Variants in OCA2 observed in about 807,000 individuals in gnomAD.
The protein encoded by OCA2 is P protein.
A neutral mutation model predicts 100.2 loss-of-function variants in OCA2; 77 were observed. The observed-to-expected ratio is 0.77, with a 90% confidence interval of 0.64 to 0.93. OCA2 has a LOEUF of 0.93. Ranked by LOEUF, OCA2 falls within the 40% of genes least tolerant of loss-of-function variation. The pLI is 0.00. For missense variants in OCA2, 1,062 were observed against 1,089.1 expected (o/e 0.98, Z 0.35); for synonymous variants, 432 against 439.2 (o/e 0.98, Z 0.21).
In OCA2 at chr15:27,823,152, G is replaced by A. The variant is rs895388300; in HGVS notation, c.2432+21807C>T. 5.9e-5 allele frequency among the ~76,000 whole-genome samples: 9 copies of A among 152,288 alleles called. No homozygotes were observed. In the South Asian group the frequency reaches 6.2e-4, roughly 11 times the overall value. On this transcript the variant is annotated intron_variant, in intron 23 of 23. Transcript: ENST00000354638. ...TGTAGTGTTACCTCTGTCATAAATC[G>A]GAGAGCCTTATACGTTTGAGCCTGT... is the stretch of plus-strand genomic sequence containing the variant.
intron 19 of OCA2, among the ~76,000 whole-genome samples, chr15:27,881,135 T>C (rs559643070): frequency 6.6e-6 from 1 of 152,332 alleles, no homozygotes; most frequent in East Asian, 1.9e-4. Flanking sequence ...TTTTTATCTT[T>C]AGTTCTATTT....
At chr15:27,817,986 T>C (rs568620549) in intron 23 of OCA2, among the ~76,000 whole-genome samples, 16 of 152,292 alleles carry the variant, frequency 1.1e-4, no homozygotes, top group Non-Finnish European at 1.0e-4. Flanking sequence ...CCCTAAGAAA[T>C]GTACTTCTTA....
chr15:27,955,644 A>G (rs1595713694), intron 16 of OCA2, among the ~76,000 whole-genome samples: 1 of 152,328 alleles, frequency 6.6e-6, no homozygotes, highest in East Asian at 1.9e-4. Context: ...AAACGTGGTA[A>G]AAGAAATGTC....
At chr15:28,083,827 A>G (rs2044724345) in intron 1 of OCA2, among the ~76,000 whole-genome samples, 1 of 152,202 alleles carries the variant, frequency 6.6e-6, no homozygotes, top group South Asian at 2.1e-4. Context: ...GGCCTCACAA[A>G]TTATGTAACT....
At chr15:27,927,900 T>G (rs2039103326) in intron 18 of OCA2, among the ~76,000 whole-genome samples, 1 of 150,880 alleles carries the variant, frequency 6.6e-6, no homozygotes, top group Non-Finnish European at 1.5e-5. Context: ...CAAGTGATGT[T>G]CCTGCCTCAG....
chr15:27,964,597 G>C (rs940202868), intron 15 of OCA2, among the ~76,000 whole-genome samples: 1 of 152,124 alleles, frequency 6.6e-6, no homozygotes, highest in Non-Finnish European at 1.5e-5. Flanking sequence ...GGGAGGGGGC[G>C]GGGGGTACAA....
chr15:27,754,232 G>A (rs1319636919), downstream of OCA2, among the ~76,000 whole-genome samples: 1 of 152,208 alleles, frequency 6.6e-6, no homozygotes, highest in African/African-American at 2.4e-5. Context: ...ACCTTTCAGG[G>A]AAGAACTGTG....
At chr15:28,066,836 C>T (rs983817985) in intron 2 of OCA2, among the ~76,000 whole-genome samples, 4 of 152,148 alleles carry the variant, frequency 2.6e-5, no homozygotes, top group African/African-American at 9.7e-5. Context: ...CTTTGGTCGC[C>T]ACAACCTTAT....
rs1267461832 is a variant in OCA2 at position 27,871,893 on chromosome 15, ATATTC to A, written c.2104_2108del (p.Glu702CysfsTer37). The stretch of plus-strand genomic sequence containing the variant: ...TTAGCAAAGCAGTTTGTTCTCCAAC[ATATTC>A]TATTAAGTGGAGATGTGCCAATGCC... On this transcript the variant is annotated frameshift_variant, in exon 20 of 24. Coordinates refer to ENST00000354638, the MANE Select transcript of OCA2 (RefSeq NM_000275.3). LOFTEE classifies it high-confidence loss of function. The A allele has an allele frequency of 6.2e-7, 1 of 1,611,026 alleles. No homozygotes were observed. Among genetic ancestry groups the A allele is most frequent in the Non-Finnish European group, 8.5e-7 (1 of 1,177,654 alleles).
chr15:27,995,408 T>C (rs1595785043), intron 9 of OCA2, among the ~76,000 whole-genome samples: 1 of 152,324 alleles, frequency 6.6e-6, no homozygotes, highest in South Asian at 2.1e-4. Flanking sequence ...AAATTTTGTC[T>C]TAGAGACAGA....
intron 23 of OCA2, among the ~76,000 whole-genome samples, chr15:27,820,041 A>G (rs2151265388): frequency 6.6e-6 from 1 of 152,298 alleles, no homozygotes; most frequent in East Asian, 1.9e-4. Context: ...AGCGCTCCCA[A>G]TGGCCACAAC....
At chr15:27,799,128 G>A (rs1011920646) in intron 23 of OCA2, among the ~76,000 whole-genome samples, 6 of 151,796 alleles carry the variant, frequency 4.0e-5, no homozygotes, top group Non-Finnish European at 7.4e-5. Context: ...CTTTGCAATC[G>A]TCAGGCAAAC....
chr15:27,993,304 T>C lies in OCA2; in HGVS notation c.1045-2657A>G, dbSNP rs139285432. ...ACTGCATGAAGTAGAACTATGATAA[T>C]CCACTTTGCAGAGGAGGAAACAGTC... is the stretch of plus-strand genomic sequence containing the variant. On this transcript the variant is annotated intron_variant, in intron 9 of 23. Transcript: ENST00000354638. Among the ~76,000 whole-genome samples, 18 of 152,218 alleles carry C rather than the reference T, an allele frequency of 1.2e-4. No homozygotes were observed. In the East Asian group the frequency reaches 2.7e-3, roughly 23 times the overall value.
the OCA2 span, among the ~76,000 whole-genome samples, chr15:27,747,002 C>A: frequency 6.6e-6 from 1 of 152,208 alleles, no homozygotes; most frequent in Non-Finnish European, 1.5e-5. Context: ...GTTTAAATGA[C>A]TTGACTCCAT....
At chr15:27,995,015 A>G (rs1012784370) in intron 9 of OCA2, among the ~76,000 whole-genome samples, 1 of 152,210 alleles carries the variant, frequency 6.6e-6, no homozygotes, top group African/African-American at 2.4e-5. Context: ...CTCTAGAGAC[A>G]AAGAAGGTCA....
chr15:27,882,810 A>G (rs949541951), intron 19 of OCA2, among the ~76,000 whole-genome samples: 2 of 152,210 alleles, frequency 1.3e-5, no homozygotes, highest in Non-Finnish European at 2.9e-5. Flanking sequence ...TCACACGTGT[A>G]TCATCCAGTA....
intron 12 of OCA2, among the ~76,000 whole-genome samples, chr15:27,985,774 C>T (rs1284108227): frequency 6.7e-6 from 1 of 150,290 alleles, no homozygotes; most frequent in Non-Finnish European, 1.5e-5. Flanking sequence ...CTCACTGCAA[C>T]CTCCACGCCT....
chr15:27,963,250 T>C (rs2040463236), intron 15 of OCA2, among the ~76,000 whole-genome samples: 1 of 152,164 alleles, frequency 6.6e-6, no homozygotes, highest in South Asian at 2.1e-4. Flanking sequence ...GAATATAGAA[T>C]ACTTGAATAA....
At chr15:27,783,624 A>G (rs188765669) in intron 23 of OCA2, among the ~76,000 whole-genome samples, 1 of 152,356 alleles carries the variant, frequency 6.6e-6, no homozygotes, top group Non-Finnish European at 1.5e-5. Flanking sequence ...GAGTTCGGCC[A>G]GAAGCTTCTC....
Sources: allele counts gnomAD v4.1 joint callset (sites outside exome capture counted in the v4.1 genomes callset), GRCh38; gene constraint gnomAD v4.1.1; transcripts MANE v1.5; gene names NCBI Gene and HGNC (gene_info 2026-07-23, HGNC 2026-07-21).